The following ANKH variants were observed in gnomAD, a reference collection of about 807,000 sequenced individuals.
The protein encoded by ANKH is mineralization regulator ANKH.
In ANKH, 15 loss-of-function variants were observed where a neutral mutation model predicts 49.0. That is an observed-to-expected ratio of 0.31 (90% confidence interval 0.20 to 0.47). The LOEUF (loss-of-function observed/expected upper bound fraction) is 0.47. Ranked by LOEUF, ANKH falls within the 20% of genes least tolerant of loss-of-function variation. ANKH has a pLI of 1.00. For missense variants in ANKH, 429 were observed against 652.0 expected, an observed-to-expected ratio of 0.66 and a Z score of 3.72; for synonymous variants, 273 against 260.0, an observed-to-expected ratio of 1.05 and a Z score of -0.48.
chr5:14,777,538 A>T (rs1338333950), intron 1 of ANKH, among the ~76,000 whole-genome samples: 1 of 152,240 alleles, frequency 6.6e-6, no homozygotes, highest in Non-Finnish European at 1.5e-5. Context: ...AGATCATTAA[A>T]TCCTAAAAGA....
chr5:14,738,283 T>C (rs1253215259), intron 8 of ANKH, among the ~76,000 whole-genome samples: 1 of 152,210 alleles, frequency 6.6e-6, no homozygotes, highest in Admixed American at 6.5e-5. Context: ...AAAGGCGGTG[T>C]TGAACTCAAA....
intron 1 of ANKH, among the ~76,000 whole-genome samples, chr5:14,844,013 T>C (rs1286813838): frequency 1.3e-5 from 2 of 152,200 alleles, no homozygotes; most frequent in Non-Finnish European, 2.9e-5. Context: ...ACCGTGTTCC[T>C]GCATCATCCA....
chr5:14,774,943 C>T (rs1421594376), intron 1 of ANKH, among the ~76,000 whole-genome samples: 3 of 152,050 alleles, frequency 2.0e-5, no homozygotes, highest in Admixed American at 6.6e-5. Flanking sequence ...TACATAGGTG[C>T]CCCTTATTCA....
intron 5 of ANKH, among the ~76,000 whole-genome samples, chr5:14,749,876 A>G (rs374750924): frequency 1.3e-3 from 200 of 152,376 alleles, no homozygotes; most frequent in African/African-American, 4.6e-3. Flanking sequence ...AGGGATTCCT[A>G]AGACTTCTGT....
intron 1 of ANKH, chr5:14,868,962 T>A (rs1735738235): frequency 6.6e-6 from 1 of 152,164 alleles, no homozygotes; most frequent in Non-Finnish European, 1.5e-5. Flanking sequence ...CCGTGCTACC[T>A]CTCCATCTTA....
At position 14,704,857 on chromosome 5, in the gene ANKH, A is replaced by C. The variant is rs981280109; in HGVS notation, c.*6340T>G. 6.6e-6 allele frequency: 1 copy of C among 152,206 alleles called. No homozygotes were observed. Among genetic ancestry groups the C allele is most frequent in the African/African-American group, 2.4e-5 (1 of 41,460 alleles). 9.4% of individuals were successfully genotyped at this position (152,206 alleles called of 1,614,324 possible). A position where few individuals can be genotyped will look rare whatever the true frequency, so the allele number is the denominator to read the frequency against. On this transcript the variant is annotated 3_prime_UTR_variant, in exon 12 of 12. Coordinates refer to ENST00000284268, the MANE Select transcript of ANKH (RefSeq NM_054027.6). Reference sequence around the variant, plus strand: ...AAAGTAAAATTAGAGTATGAAACCTATTTGACAATATATGAATACAAATCC... The same window carrying C: ...AAAGTAAAATTAGAGTATGAAACCTCTTTGACAATATATGAATACAAATCC...
At chr5:14,830,713 C>A (rs908062217) in intron 1 of ANKH, among the ~76,000 whole-genome samples, 2 of 152,172 alleles carry the variant, frequency 1.3e-5, no homozygotes, top group Non-Finnish European at 2.9e-5. Context: ...TCTATTTTCC[C>A]AAACTGCCTC....
chr5:14,798,487 C>A, intron 1 of ANKH: 1 of 921,608 alleles, frequency 1.1e-6, no homozygotes, highest in Non-Finnish European at 1.5e-6. Context: ...CGCACGCGGT[C>A]TCTATTTTTT....
intron 1 of ANKH, among the ~76,000 whole-genome samples, chr5:14,822,677 A>T (rs1365453868): frequency 6.6e-6 from 1 of 152,242 alleles, no homozygotes; most frequent in Non-Finnish European, 1.5e-5. Context: ...GACCACAGAT[A>T]TTCAAATCCC....
chr5:14,803,065 T>G (rs1466118532), intron 1 of ANKH, among the ~76,000 whole-genome samples: 1 of 152,216 alleles, frequency 6.6e-6, no homozygotes, highest in African/African-American at 2.4e-5. Context: ...CAGTGGGTCA[T>G]GAAATCAGTT....
At chr5:14,811,006 G>T (rs1484659627) in intron 1 of ANKH, among the ~76,000 whole-genome samples, 2 of 152,074 alleles carry the variant, frequency 1.3e-5, no homozygotes, top group Non-Finnish European at 2.9e-5. Flanking sequence ...AGAAGGAAGG[G>T]GGGGAATAAA....
At chr5:14,797,844 T>G in intron 1 of ANKH, 5 of 1,611,622 alleles carry the variant, frequency 3.1e-6, no homozygotes, top group Non-Finnish European at 4.2e-6. Flanking sequence ...GAGATTTAGG[T>G]TCCAAGAAAG....
rs757717115 is a variant in ANKH, at chr5:14,741,808, A to T, written c.1011+19T>A. ...AAAACCAAACAGAGAGAAGAGGCAG[A>T]GAGAGCCTCTGTCCTTACCGTGAGT... On this transcript the variant is annotated intron_variant, in intron 8 of 11. Transcript: ENST00000284268. 3.4e-5 allele frequency: 54 copies of T among 1,599,440 alleles called. No individual in the cohort carries two copies. The East Asian group carries it at 1.2e-3, about 36-fold the overall frequency.
At chr5:14,849,294 G>T (rs560353840) in intron 1 of ANKH, among the ~76,000 whole-genome samples, 1 of 152,116 alleles carries the variant, frequency 6.6e-6, no homozygotes, top group African/African-American at 2.4e-5. Flanking sequence ...CCTATTTTTT[G>T]ACCACATTCT....
chr5:14,766,001 G>A (rs764081392), intron 2 of ANKH, among the ~76,000 whole-genome samples: 6 of 152,184 alleles, frequency 3.9e-5, no homozygotes, highest in African/African-American at 4.8e-5. Flanking sequence ...AGAACATCAC[G>A]TTGGGATGAT....
At chr5:14,853,784 A>G (rs1742181101) in intron 1 of ANKH, among the ~76,000 whole-genome samples, 1 of 152,188 alleles carries the variant, frequency 6.6e-6, no homozygotes, top group Non-Finnish European at 1.5e-5. Flanking sequence ...GGTAAACTAT[A>G]TACTAAAAAC....
intron 1 of ANKH, among the ~76,000 whole-genome samples, chr5:14,839,708 CA>C (rs911035389): frequency 5.3e-5 from 8 of 152,150 alleles, no homozygotes; most frequent in African/African-American, 1.9e-4. Flanking sequence ...CACTGGAAAA[CA>C]GAATGAAAGT....
At chr5:14,864,019 A>G (rs1735575847) in intron 1 of ANKH, among the ~76,000 whole-genome samples, 1 of 152,166 alleles carries the variant, frequency 6.6e-6, no homozygotes, top group Non-Finnish European at 1.5e-5. Context: ...GTTCGAGACC[A>G]GCTTGGGCAA....
chr5:14,736,366 C>A (rs1738182161), intron 8 of ANKH, among the ~76,000 whole-genome samples: 1 of 152,214 alleles, frequency 6.6e-6, no homozygotes, highest in African/African-American at 2.4e-5. Context: ...TGAAACAGGT[C>A]AGCTCGCCAA....
Sources: gnomAD v4.1 joint callset for allele counts (sites outside exome capture counted in the v4.1 genomes callset) on GRCh38, gnomAD v4.1.1 for gene constraint, MANE v1.5 for transcripts, NCBI Gene and HGNC (gene_info 2026-07-23, HGNC 2026-07-21) for gene names.